Variants in CCDC192 observed in about 807,000 individuals in gnomAD.
The protein encoded by CCDC192 is coiled-coil domain containing 192.
At chr5:127,807,084 GT>G (rs1462501154) in intron 5 of CCDC192, among the ~76,000 whole-genome samples, 1 of 152,104 alleles carries the variant, frequency 6.6e-6, no homozygotes, top group Non-Finnish European at 1.5e-5. Context: ...GCCCCATATA[GT>G]TTTTTGGAGG....
At chr5:127,799,365 A>G (rs759006888) in intron 5 of CCDC192, among the ~76,000 whole-genome samples, 12 of 152,116 alleles carry the variant, frequency 7.9e-5, no homozygotes, top group Non-Finnish European at 1.3e-4. Context: ...TGTATGTTCA[A>G]TTGTCCAATA....
intron 6 of CCDC192, among the ~76,000 whole-genome samples, chr5:127,881,602 C>T (rs1752353877): frequency 1.3e-5 from 2 of 152,276 alleles, no homozygotes; most frequent in East Asian, 3.9e-4. Context: ...TTTTTAAAAA[C>T]ATAAACACAG....
intron 2 of CCDC192, among the ~76,000 whole-genome samples, chr5:127,733,460 G>A (rs140857658): frequency 1.3e-5 from 2 of 152,082 alleles, no homozygotes; most frequent in Non-Finnish European, 2.9e-5. Context: ...TTAAATTACT[G>A]TCTTAAAGTC....
chr5:127,875,636 A>G lies in CCDC192; in HGVS notation c.510A>G (p.Leu170=), dbSNP rs1385134185. The change falls in exon 6 of 7, where the codon CTA becomes CTG. Residue 170 remains leucine (L), a synonymous_variant. Transcript: ENST00000514853. The stretch of plus-strand genomic sequence containing the variant: ...AACTCAATGAGAAGATAAAGACTCT[A>G]TATGAAGGAAAGCCAGCCCCTAGAG... ...VLELNEKIKT[L]YEGKPAPRED... is the part of the protein sequence containing the mutation. 2 of 398,730 alleles carry G rather than the reference A, an allele frequency of 5.0e-6. No homozygotes were observed. Among genetic ancestry groups the G allele is most frequent in the Non-Finnish European group, 4.4e-6 (1 of 226,016 alleles). The allele number at this position is 398,730 out of a possible 1,614,324, so 24.7% of individuals were successfully genotyped here.
At chr5:127,809,682 T>C (rs1206470472) in intron 5 of CCDC192, among the ~76,000 whole-genome samples, 1 of 152,212 alleles carries the variant, frequency 6.6e-6, no homozygotes, top group African/African-American at 2.4e-5. Flanking sequence ...GTATTGCATA[T>C]AGTTTTAATC....
At chr5:127,806,789 T>TC (rs1757810563) in intron 5 of CCDC192, among the ~76,000 whole-genome samples, 1 of 152,024 alleles carries the variant, frequency 6.6e-6, no homozygotes, top group African/African-American at 2.4e-5. Context: ...ACTGTAAGAA[T>TC]CTAATAGAAA....
At chr5:127,887,258 G>A (rs1752593344) in intron 6 of CCDC192, among the ~76,000 whole-genome samples, 2 of 151,218 alleles carry the variant, frequency 1.3e-5, no homozygotes, top group Admixed American at 1.3e-4. Context: ...GAACCCAGGA[G>A]GTGGAGGTTG....
intron 6 of CCDC192, among the ~76,000 whole-genome samples, chr5:127,898,081 T>C (rs1752942265): frequency 6.6e-6 from 1 of 151,718 alleles, no homozygotes; most frequent in African/African-American, 2.4e-5. Flanking sequence ...GTATATTTAA[T>C]GGGGCCTGAA....
intron 6 of CCDC192, among the ~76,000 whole-genome samples, chr5:127,932,203 A>AGTTTGTT (rs1406531713): frequency 6.6e-6 from 1 of 151,452 alleles, no homozygotes; most frequent in Non-Finnish European, 1.5e-5. Context: ...CAATGACAAC[A>AGTTTGTT]GTTTGTTGTG....
intron 5 of CCDC192, among the ~76,000 whole-genome samples, chr5:127,863,201 A>G (rs1580766570): frequency 6.6e-6 from 1 of 152,358 alleles, no homozygotes; most frequent in Middle Eastern, 3.4e-3. Context: ...TTGTGCTACC[A>G]TGATCACTAC....
At chr5:127,811,870 A>G (rs1379797292) in intron 5 of CCDC192, among the ~76,000 whole-genome samples, 1 of 152,170 alleles carries the variant, frequency 6.6e-6, no homozygotes. Context: ...CACACTATAC[A>G]CACCCTCCAT....
At chr5:127,754,991 AG>A (rs1025804455) in intron 3 of CCDC192, among the ~76,000 whole-genome samples, 1 of 152,184 alleles carries the variant, frequency 6.6e-6, no homozygotes, top group Non-Finnish European at 1.5e-5. Flanking sequence ...AGCTCAGACC[AG>A]GGCTGGAACA....
intron 6 of CCDC192, among the ~76,000 whole-genome samples, chr5:127,888,381 A>C (rs1304478707): frequency 6.6e-6 from 1 of 151,958 alleles, no homozygotes; most frequent in Non-Finnish European, 1.5e-5. Context: ...GCGCCACTGC[A>C]CTCCAGCCTT....
At chr5:127,930,787 T>C (rs377182293) in intron 6 of CCDC192, among the ~76,000 whole-genome samples, 4 of 152,228 alleles carry the variant, frequency 2.6e-5, no homozygotes, top group African/African-American at 9.7e-5. Flanking sequence ...TTTGTGCTAC[T>C]GGAGAGTAGA....
At chr5:127,764,142 A>C (rs1263528658) in intron 3 of CCDC192, among the ~76,000 whole-genome samples, 1 of 152,142 alleles carries the variant, frequency 6.6e-6, no homozygotes, top group Non-Finnish European at 1.5e-5. Flanking sequence ...TTTCCATTAT[A>C]CATTTGGAGT....
chr5:127,930,355 A>G (rs368248973), intron 6 of CCDC192, among the ~76,000 whole-genome samples: 300 of 152,340 alleles, frequency 2.0e-3, no homozygotes, highest in African/African-American at 7.0e-3. Flanking sequence ...TGCTTCATCT[A>G]TTGTCTTCTA....
Position 127,750,055 on chromosome 5 carries a change from A to C in CCDC192, c.115-4213A>C, listed in dbSNP as rs1403258562. ...GTCTATCAATTTTGTTGATCCTTTC[A>C]AAAAACCAGCTCCTGGATTCATTAA... is the stretch of plus-strand genomic sequence containing the variant. On this transcript the variant is annotated intron_variant, in intron 2 of 6. Coordinates refer to ENST00000514853, the MANE Select transcript of CCDC192 (RefSeq NM_001317938.2). 2.0e-5 allele frequency among the ~76,000 whole-genome samples: 3 copies of C among 151,952 alleles called. No homozygotes were observed. The South Asian group carries it at 6.2e-4, about 32-fold the overall frequency.
intron 6 of CCDC192, among the ~76,000 whole-genome samples, chr5:127,889,446 G>A (rs193051802): frequency 2.0e-5 from 3 of 149,030 alleles, no homozygotes; most frequent in Admixed American, 1.4e-4. Context: ...ACTGTCCCCA[G>A]GCTGGAGTGC....
chr5:127,924,935 TG>T (rs199900251), intron 6 of CCDC192, among the ~76,000 whole-genome samples: 1,535 of 152,198 alleles, frequency 0.01, 28 homozygotes, highest in African/African-American at 0.035. Context: ...GAGGAAGCTA[TG>T]GAAAAAAAAT....
Sources: allele counts gnomAD v4.1 joint callset (sites outside exome capture counted in the v4.1 genomes callset), GRCh38; gene constraint gnomAD v4.1.1; transcripts MANE v1.5; gene names NCBI Gene and HGNC (gene_info 2026-07-23, HGNC 2026-07-21).